NRG3: variants seen among roughly 807,000 people sequenced by gnomAD.
NRG3 encodes neuregulin 3.
Under a neutral mutation model 66.9 loss-of-function variants are expected in NRG3, and 31 were observed. The observed-to-expected ratio is 0.46, with a 90% CI of 0.35 to 0.63. The LOEUF (loss-of-function observed/expected upper bound fraction) is 0.63, where lower values mean the gene tolerates loss of function less well. Among genes scored for constraint, NRG3 ranks in the 20% least tolerant of loss-of-function variants. NRG3 has a pLI of 0.00. For synonymous variants in NRG3, 393 were observed against 359.4 expected (o/e 1.09, Z -1.06); for missense variants, 910 against 878.9 (o/e 1.04, Z -0.45).
chr10:82,593,387 A>T (rs1472625866), intron 2 of NRG3, among the ~76,000 whole-genome samples: 2 of 152,196 alleles, frequency 1.3e-5, no homozygotes, highest in African/African-American at 2.4e-5. Flanking sequence ...AGCTCTTGAG[A>T]TTATGGTAGA....
intron 3 of NRG3, among the ~76,000 whole-genome samples, chr10:82,856,409 C>A (rs1229151782): frequency 6.6e-6 from 1 of 151,832 alleles, no homozygotes; most frequent in Non-Finnish European, 1.5e-5. Flanking sequence ...TTAAATGGGG[C>A]TCAGTTGCAC....
intron 2 of NRG3, among the ~76,000 whole-genome samples, chr10:82,709,378 T>C (rs1219085263): frequency 1.3e-5 from 2 of 151,426 alleles, no homozygotes; most frequent in Admixed American, 6.6e-5. Context: ...TTTTGTTTTT[T>C]GTTTGTTTGT....
At chr10:82,015,104 T>C (rs892809842) in intron 1 of NRG3, among the ~76,000 whole-genome samples, 1 of 152,192 alleles carries the variant, frequency 6.6e-6, no homozygotes, top group Non-Finnish European at 1.5e-5. Flanking sequence ...GAAATCATCA[T>C]ATAGTTTAAG....
At chr10:82,172,234 A>G (rs975066410) in intron 1 of NRG3, among the ~76,000 whole-genome samples, 4 of 152,112 alleles carry the variant, frequency 2.6e-5, no homozygotes, top group Non-Finnish European at 4.4e-5. Flanking sequence ...TTTTTATCCT[A>G]TTAGTGGACA....
intron 1 of NRG3, among the ~76,000 whole-genome samples, chr10:82,048,522 G>A (rs1025083207): frequency 6.6e-6 from 1 of 150,906 alleles, no homozygotes; most frequent in African/African-American, 2.4e-5. Context: ...CGAAATGAAG[G>A]CAGAAATAAA....
chr10:82,695,656 ATTATG>A (rs1285140540), intron 2 of NRG3, among the ~76,000 whole-genome samples: 1 of 152,092 alleles, frequency 6.6e-6, no homozygotes, highest in Non-Finnish European at 1.5e-5. Flanking sequence ...ATTTTCTCCT[ATTATG>A]TTATATAAAT....
At chr10:82,427,721 A>C (rs1454129230) in intron 2 of NRG3, among the ~76,000 whole-genome samples, 1 of 152,056 alleles carries the variant, frequency 6.6e-6, no homozygotes, top group Non-Finnish European at 1.5e-5. Flanking sequence ...CACTGGTCTC[A>C]CTTTGAGTCA....
intron 1 of NRG3, among the ~76,000 whole-genome samples, chr10:82,098,637 A>C (rs966658049): frequency 6.6e-6 from 1 of 152,196 alleles, no homozygotes; most frequent in African/African-American, 2.4e-5. Flanking sequence ...GAAAATCTTC[A>C]ATGAGAATTT....
At chr10:82,098,048 C>CATAT (rs36047188) in intron 1 of NRG3, among the ~76,000 whole-genome samples, 18 of 138,040 alleles carry the variant, frequency 1.3e-4, no homozygotes, top group Admixed American at 1.5e-4. Flanking sequence ...TAGTCTGCCA[C>CATAT]ATATATACAC....
At chr10:82,624,704 CAT>C (rs142784571) in intron 2 of NRG3, among the ~76,000 whole-genome samples, 12 of 147,114 alleles carry the variant, frequency 8.2e-5, no homozygotes, top group South Asian at 2.1e-4. Context: ...CATATGCATA[CAT>C]ATATATATAT....
chr10:82,624,431 C>T (rs1565139222), intron 2 of NRG3, among the ~76,000 whole-genome samples: 1 of 152,054 alleles, frequency 6.6e-6, no homozygotes, highest in African/African-American at 2.4e-5. Flanking sequence ...AACCATTCTC[C>T]TTTTTCCCTT....
At chr10:82,047,979 A>G (rs968270237) in intron 1 of NRG3, among the ~76,000 whole-genome samples, 2 of 151,946 alleles carry the variant, frequency 1.3e-5, no homozygotes, top group African/African-American at 4.8e-5. Context: ...GTTTAAACCA[A>G]CAAAGATCAA....
At chr10:82,885,600 T>C (rs566551025) in intron 4 of NRG3, among the ~76,000 whole-genome samples, 2 of 152,202 alleles carry the variant, frequency 1.3e-5, no homozygotes, top group African/African-American at 4.8e-5. Flanking sequence ...TCAATACAGA[T>C]CTTCAAAAAA....
chr10:82,232,080 T>C (rs945298655), intron 1 of NRG3, among the ~76,000 whole-genome samples: 37 of 152,288 alleles, frequency 2.4e-4, no homozygotes, highest in African/African-American at 8.7e-4. Flanking sequence ...TCTCTCAGTT[T>C]TGCAAAGAAT....
At chr10:82,888,992 C>G (rs972623507) in intron 4 of NRG3, among the ~76,000 whole-genome samples, 23 of 152,004 alleles carry the variant, frequency 1.5e-4, no homozygotes, top group African/African-American at 5.1e-4. Flanking sequence ...TAGATGAGGT[C>G]AGAAAGGTTA....
At chr10:82,434,952 G>C (rs1321385143) in intron 2 of NRG3, among the ~76,000 whole-genome samples, 1 of 152,120 alleles carries the variant, frequency 6.6e-6, no homozygotes. Context: ...GATGATGCTG[G>C]CTTCATAAAA....
chr10:81,911,603 GTTTTTT>G (rs796518872), intron 1 of NRG3, among the ~76,000 whole-genome samples: 6 of 77,964 alleles, frequency 7.7e-5, no homozygotes, highest in Non-Finnish European at 1.3e-4. Context: ...GCACAGACTT[GTTTTTT>G]TTTTTTTTTT....
At chr10:82,736,176 G>A (rs138322225) in intron 2 of NRG3, among the ~76,000 whole-genome samples, 100 of 152,204 alleles carry the variant, frequency 6.6e-4, no homozygotes, top group African/African-American at 2.3e-3. Flanking sequence ...AACAAGCAAT[G>A]CAATAATATT....
At chr10:82,293,853 C>CA (rs1191505915) in intron 1 of NRG3, among the ~76,000 whole-genome samples, 6 of 151,862 alleles carry the variant, frequency 4.0e-5, no homozygotes, top group East Asian at 1.9e-4. Flanking sequence ...AAAATTAAAA[C>CA]AAAAAAAGAC....
Sources: allele counts gnomAD v4.1 joint callset (sites outside exome capture counted in the v4.1 genomes callset), GRCh38; gene constraint gnomAD v4.1.1; transcripts MANE v1.5; gene names NCBI Gene and HGNC (gene_info 2026-07-23, HGNC 2026-07-21).